NBPF14: variants seen among roughly 807,000 people sequenced by gnomAD.
NBPF14 encodes NBPF family member NBPF14.
Under a neutral mutation model 91.2 loss-of-function variants are expected in NBPF14, and 104 were observed. The observed-to-expected ratio is 1.14, with a 90% CI of 0.97 to 1.34. The LOEUF is 1.34. NBPF14 is among the 40% of genes most tolerant of loss of function. The pLI, the probability that NBPF14 is intolerant of heterozygous loss-of-function variation, is 0.00. For synonymous variants in NBPF14, 294 were observed against 303.8 expected (o/e 0.97, Z 0.34); for missense variants, 908 against 783.0 (o/e 1.16, Z -1.91).
chr1:148,568,832 C>CA (rs1240125407), intron 25 of NBPF14, among the ~76,000 whole-genome samples: 2 of 142,736 alleles, frequency 1.4e-5, no homozygotes, highest in Non-Finnish European at 3.1e-5. Flanking sequence ...CAAATGCCCC[C>CA]AAATGGCTGC....
intron 69 of NBPF14, 107 bp downstream of exon 69, chr1:148,534,577 T>C: frequency 2.5e-6 from 2 of 809,884 alleles, no homozygotes; most frequent in East Asian, 2.4e-5. Flanking sequence ...AGGTCCTGCC[T>C]GCGGCAATGA....
At chr1:148,592,528 C>A in intron 4 of NBPF14, 24 bp downstream of exon 4, 1 of 1,262,482 alleles carries the variant, frequency 7.9e-7, no homozygotes, top group African/African-American at 1.5e-5. Flanking sequence ...GGTTTTGGGT[C>A]ATCAGGGCCT....
intron 63 of NBPF14, 132 bp downstream of exon 63, chr1:148,539,278 C>G: frequency 3.1e-6 from 2 of 635,970 alleles, no homozygotes; most frequent in Admixed American, 4.1e-5. Context: ...TTCTTTACAA[C>G]CTATATGCGC....
intron 20 of NBPF14, 49 bp from the exon 21 acceptor site, chr1:148,572,664 C>T (rs1659277165): frequency 1.5e-6 from 1 of 666,040 alleles, no homozygotes; most frequent in Non-Finnish European, 2.7e-6. Flanking sequence ...AATCAGAAAC[C>T]ACACAGCCCC....
exon 29 of NBPF14, chr1:148,566,272 G>C (rs1226837309): frequency 1.5e-6 from 1 of 660,818 alleles, no homozygotes; most frequent in South Asian, 1.6e-5. Context: ...AGTGAGTCCT[G>C]CAAGACTTCA....
At position 148,594,932 on chromosome 1, in the gene NBPF14, G is replaced by A. The variant is rs1380725263; in HGVS notation, c.175+611C>T. ...AGGCTAGTCTCAAACTGCTGACCTCGTGCTCTGCCCGCCTCAGCCTCCCAA... is the reference window on the plus strand; with the variant it reads ...AGGCTAGTCTCAAACTGCTGACCTCATGCTCTGCCCGCCTCAGCCTCCCAA... On this transcript the variant is annotated intron_variant, in intron 2 of 70. Coordinates refer to ENST00000619423, the Ensembl canonical transcript of NBPF14. Among the ~76,000 whole-genome samples, 19 of 114,754 alleles carry A rather than the reference G, an allele frequency of 1.7e-4. 1 individual carries two copies. The highest frequency in any genetic ancestry group is 3.2e-4 in the South Asian group (1 of 3,124). The allele number at this position is 114,754 out of a possible 152,430, so 75.3% of individuals were successfully genotyped here.
At position 148,592,202 on chromosome 1, in the gene NBPF14, T is replaced by C. The variant is rs1288694320; in HGVS notation, c.493+350A>G. Among the ~76,000 whole-genome samples, 323 of 143,000 alleles carry C rather than the reference T, an allele frequency of 2.3e-3. No homozygotes were observed. In the Middle Eastern group the frequency reaches 0.024, roughly 10 times the overall value. 93.8% of individuals were successfully genotyped at this position (143,000 alleles called of 152,430 possible). ...CACTCACTGACACTTACTAAGAACA[T>C]TGCCAAAAATACAGCCTGGGAACCT... On this transcript the variant is annotated intron_variant, in intron 4 of 70. Transcript: ENST00000619423.
At chr1:148,575,950 C>T in intron 16 of NBPF14, 139 bp from the exon 17 acceptor site, 1 of 513,090 alleles carries the variant, frequency 1.9e-6, no homozygotes, top group Non-Finnish European at 3.4e-6. Flanking sequence ...GAATTATTGC[C>T]TTTATGTTGG....
At chr1:148,576,037 A>G (rs1290614233) in intron 16 of NBPF14, among the ~76,000 whole-genome samples, 1 of 147,804 alleles carries the variant, frequency 6.8e-6, no homozygotes, top group Non-Finnish European at 1.5e-5. Flanking sequence ...GGAGAAAGTG[A>G]GCTCAGCGAA....
At chr1:148,558,193 T>C in intron 39 of NBPF14, 59 bp downstream of exon 39, 1 of 209,378 alleles carries the variant, frequency 4.8e-6, no homozygotes, top group Non-Finnish European at 7.8e-6. Context: ...GGAACAGGAA[T>C]ATCACCCCTA....
At chr1:148,557,025 C>A (rs1378148238) in intron 40 of NBPF14, among the ~76,000 whole-genome samples, 163 bp from the exon 41 acceptor site, 13 of 93,428 alleles carry the variant, frequency 1.4e-4, no homozygotes, top group Non-Finnish European at 2.2e-4. Context: ...CAGAACAGGG[C>A]CAAATGGAAA....
chr1:148,559,322 T>G (rs1305903947), intron 37 of NBPF14, among the ~76,000 whole-genome samples: 8 of 125,432 alleles, frequency 6.4e-5, no homozygotes, highest in Non-Finnish European at 1.1e-4. Context: ...CCCAAGTTTG[T>G]GCAAATGGTT....
intron 24 of NBPF14, among the ~76,000 whole-genome samples, 188 bp from the exon 25 acceptor site, chr1:148,569,615 G>C (rs1231249188): frequency 5.8e-5 from 2 of 34,210 alleles, no homozygotes; most frequent in Non-Finnish European, 1.0e-4. Context: ...GAAAGAGAGA[G>C]ACAGACAGAG....
chr1:148,534,170 T>G (rs1462725193), intron 69 of NBPF14, among the ~76,000 whole-genome samples: 1 of 149,210 alleles, frequency 6.7e-6, no homozygotes, highest in East Asian at 2.0e-4. Context: ...GGGTAAAATG[T>G]CCCTATTCTA....
At chr1:148,580,810 T>C (rs1660787301) in intron 12 of NBPF14, among the ~76,000 whole-genome samples, 1 of 102,248 alleles carries the variant, frequency 9.8e-6, no homozygotes, top group Non-Finnish European at 2.0e-5. Flanking sequence ...CTTTTTTTTT[T>C]CCATATGTAT....
At position 148,559,336 on chromosome 1, in the gene NBPF14, C is replaced by A. The variant is rs1473012465; in HGVS notation, c.4730-264G>T. Among the ~76,000 whole-genome samples, 3 of 127,338 alleles carry A rather than the reference C, an allele frequency of 2.4e-5. 1 individual carries two copies. Among genetic ancestry groups the A allele is most frequent in the Non-Finnish European group, 4.6e-5 (3 of 65,562 alleles). The allele number at this position is 127,338 out of a possible 152,430, so 83.5% of individuals were successfully genotyped here. A position where few individuals can be genotyped will look rare whatever the true frequency, so the allele number is the denominator to read the frequency against. ...TCCCAAGTTTGTGCAAATGGTTATGCCATATTTTTCCAATCGATTTAAAGC... is the reference window on the plus strand; with the variant it reads ...TCCCAAGTTTGTGCAAATGGTTATGACATATTTTTCCAATCGATTTAAAGC... On this transcript the variant is annotated intron_variant, in intron 37 of 70. Transcript: ENST00000619423.
chr1:148,577,906 G>C, intron 14 of NBPF14, 77 bp downstream of exon 14: 2 of 635,356 alleles, frequency 3.1e-6, no homozygotes, highest in Non-Finnish European at 5.6e-6. Flanking sequence ...ATTATTTTCA[G>C]GATGTACTGT....
Position 148,587,157 on chromosome 1 carries a change from T to C in NBPF14, c.1091+144A>G. 2 of 683,042 alleles carry C rather than the reference T, an allele frequency of 2.9e-6. 1 individual carries two copies. Among genetic ancestry groups the C allele is most frequent in the South Asian group, 3.3e-5 (2 of 60,168 alleles). 42.3% of individuals were successfully genotyped at this position (683,042 alleles called of 1,614,324 possible). A position where few individuals can be genotyped will look rare whatever the true frequency, so the allele number is the denominator to read the frequency against. ...CATTTTTACTATCCTTCTTCTCTGA[T>C]AAATATTTGTGTGTAGCGAGCCTGC... is the stretch of plus-strand genomic sequence containing the variant. On this transcript the variant is annotated intron_variant, in intron 8 of 70. Transcript: ENST00000619423.
exon 39 of NBPF14, chr1:148,558,309 T>G: frequency 5.8e-5 from 4 of 69,356 alleles, no homozygotes; most frequent in Non-Finnish European, 8.9e-5. Context: ...ACAGCACTGC[T>G]GTAGGGCTGG....
Sources: allele counts gnomAD v4.1 joint callset (sites outside exome capture counted in the v4.1 genomes callset), GRCh38; gene constraint gnomAD v4.1.1; transcripts MANE v1.5; gene names NCBI Gene and HGNC (gene_info 2026-07-23, HGNC 2026-07-21).